Variants in SYTL3 observed in about 807,000 individuals in gnomAD.
SYTL3 encodes the protein synaptotagmin like 3.
SYTL3 carries 88 observed loss-of-function variants against 82.1 expected under a neutral mutation model. That is an observed-to-expected ratio of 1.07 (90% CI 0.90 to 1.28). SYTL3 has a LOEUF of 1.28. SYTL3 is among the 50% of genes most tolerant of loss of function. The probability of loss-of-function intolerance (pLI) is 0.00; values close to 1 mark genes in which losing one functional copy is unlikely to be tolerated. For synonymous variants in SYTL3, 311 were observed against 289.4 expected, an observed-to-expected ratio of 1.07 and a Z score of -0.76; for missense variants, 831 against 757.6, an observed-to-expected ratio of 1.10 and a Z score of -1.14.
At chr6:158,704,220 G>A (rs965389787) in intron 6 of SYTL3, among the ~76,000 whole-genome samples, 2 of 152,136 alleles carry the variant, frequency 1.3e-5, no homozygotes, top group Admixed American at 6.5e-5. Flanking sequence ...TCGTGGGAAC[G>A]GGCACGCCTG....
chr6:158,690,748 G>T (rs993085962), intron 6 of SYTL3, among the ~76,000 whole-genome samples: 9 of 151,862 alleles, frequency 5.9e-5, no homozygotes, highest in Admixed American at 3.9e-4. Context: ...TTCATAACTG[G>T]ATATTTAGTT....
At chr6:158,705,659 C>T (rs975490243) in intron 6 of SYTL3, among the ~76,000 whole-genome samples, 12 of 150,568 alleles carry the variant, frequency 8.0e-5, no homozygotes, top group Admixed American at 7.9e-4. Flanking sequence ...GCTGTAAGGT[C>T]ACATAGACCT....
intron 5 of SYTL3, among the ~76,000 whole-genome samples, chr6:158,681,921 T>C (rs1440036318): frequency 6.6e-6 from 1 of 152,210 alleles, no homozygotes; most frequent in Non-Finnish European, 1.5e-5. Flanking sequence ...CGTCCCACAG[T>C]TGACATGATA....
intron 12 of SYTL3, among the ~76,000 whole-genome samples, chr6:158,751,351 G>C (rs940376133): frequency 2.6e-5 from 4 of 152,166 alleles, no homozygotes; most frequent in African/African-American, 9.7e-5. Flanking sequence ...CCTAGAACAG[G>C]ACAGGACATG....
intron 10 of SYTL3, among the ~76,000 whole-genome samples, chr6:158,718,699 G>C (rs890076650): frequency 1.1e-4 from 16 of 152,246 alleles, no homozygotes; most frequent in Non-Finnish European, 1.6e-4. Flanking sequence ...CTTAGTAAAG[G>C]CTTCTAGGGA....
chr6:158,761,301 C>CTTTTTTTTTTT (rs11463987), intron 15 of SYTL3, among the ~76,000 whole-genome samples: 36 of 93,862 alleles, frequency 3.8e-4, no homozygotes, highest in Non-Finnish European at 5.6e-4. Flanking sequence ...ATGCACATTT[C>CTTTTTTTTTTT]TTTTTTTTTT....
intron 8 of SYTL3, among the ~76,000 whole-genome samples, chr6:158,711,042 A>T (rs1437549121): frequency 1.3e-5 from 2 of 152,092 alleles, no homozygotes; most frequent in Admixed American, 1.3e-4. Context: ...GGGCTCCCAA[A>T]GCGCTGGGGT....
chr6:158,708,115 C>T (rs7760306), intron 7 of SYTL3, among the ~76,000 whole-genome samples: 31,828 of 152,016 alleles, frequency 0.21, 3,590 homozygotes, highest in Non-Finnish European at 0.25. Context: ...TAGGCAGCAT[C>T]GCCCTCATAT....
intron 3 of SYTL3, 88 bp from the exon 4 acceptor site, chr6:158,662,662 T>C (rs1789519484): frequency 6.6e-6 from 1 of 152,168 alleles, no homozygotes; most frequent in Admixed American, 6.5e-5. Flanking sequence ...CAAGGGTTTG[T>C]GTAGAATATT....
At chr6:158,668,452 T>C (rs1369026959) in intron 5 of SYTL3, among the ~76,000 whole-genome samples, 1 of 152,158 alleles carries the variant, frequency 6.6e-6, no homozygotes, top group Non-Finnish European at 1.5e-5. Flanking sequence ...TGGCCTCGAA[T>C]TCCTGACCTC....
chr6:158,757,000 A>AGCCC (rs1554266364), intron 13 of SYTL3, among the ~76,000 whole-genome samples: 60 of 141,888 alleles, frequency 4.2e-4, no homozygotes, highest in South Asian at 2.1e-3. Flanking sequence ...CAGAGAGAGG[A>AGCCC]CCCCCCCGCC....
chr6:158,654,989 C>A (rs1168855403), intron 2 of SYTL3, among the ~76,000 whole-genome samples: 1 of 152,160 alleles, frequency 6.6e-6, no homozygotes, highest in Non-Finnish European at 1.5e-5. Context: ...GAGACTGGAT[C>A]TAAGCTCCGA....
intron 17 of SYTL3, among the ~76,000 whole-genome samples, chr6:158,763,822 ATCT>A (rs1236398130): frequency 6.6e-6 from 1 of 152,246 alleles, no homozygotes; most frequent in African/African-American, 2.4e-5. Flanking sequence ...AAATGAAAAT[ATCT>A]TCTTAAACAA....
rs185193110 is a variant in SYTL3, at chr6:158,758,977, C to T, written c.1308+1596C>T. Among the ~76,000 whole-genome samples the T allele has an allele frequency of 2.9e-3, 445 of 152,316 alleles. 6 individuals carry two copies. The highest frequency in any genetic ancestry group is 0.019 in the South Asian group (91 of 4,830). On this transcript the variant is annotated intron_variant, in intron 14 of 17. Coordinates refer to ENST00000611299, the MANE Select transcript of SYTL3 (RefSeq NM_001242394.2). Reference sequence around the variant, plus strand: ...GCCTTCCGTGCCTTCCTCTCACCCCCGCTCTGTCATCTCTCAGAACAGCAT... The same window carrying T: ...GCCTTCCGTGCCTTCCTCTCACCCCTGCTCTGTCATCTCTCAGAACAGCAT...
intron 12 of SYTL3, among the ~76,000 whole-genome samples, chr6:158,750,192 G>A (rs1405860458): frequency 6.6e-6 from 1 of 152,118 alleles, no homozygotes; most frequent in Admixed American, 6.5e-5. Flanking sequence ...CAAAAACAGG[G>A]AAAACTAAGC....
At chr6:158,717,342 T>C (rs972633003) in intron 9 of SYTL3, among the ~76,000 whole-genome samples, 2 of 152,064 alleles carry the variant, frequency 1.3e-5, no homozygotes, top group Non-Finnish European at 2.9e-5. Flanking sequence ...ATATGGCTAC[T>C]ATAAAATTTA....
rs564230615 is a variant in SYTL3, at chr6:158,652,759, C to G, written c.-637+917C>G. ...GTTTCACCATGTTGGCCAGGCTGGT[C>G]TCAAAACTCCTGACCTCGTGATCCA... On this transcript the variant is annotated intron_variant, in intron 2 of 17. Coordinates refer to ENST00000611299, the MANE Select transcript of SYTL3 (RefSeq NM_001242394.2). Among the ~76,000 whole-genome samples the G allele has an allele frequency of 9.3e-4, 141 of 151,852 alleles. 1 individual carries two copies. Among genetic ancestry groups the G allele is most frequent in the African/African-American group, 3.3e-3 (135 of 41,374 alleles).
intron 11 of SYTL3, among the ~76,000 whole-genome samples, chr6:158,735,646 A>G (rs1786046479): frequency 6.6e-6 from 1 of 152,228 alleles, no homozygotes; most frequent in Admixed American, 6.5e-5. Flanking sequence ...AAAACAAAAA[A>G]CCCAGCTTAT....
At chr6:158,658,870 A>C (rs1012145729) in intron 2 of SYTL3, among the ~76,000 whole-genome samples, 3 of 152,204 alleles carry the variant, frequency 2.0e-5, no homozygotes, top group Admixed American at 2.0e-4. Flanking sequence ...CGGACGTTGC[A>C]GTGAGCAGAG....
Sources: allele counts gnomAD v4.1 joint callset (sites outside exome capture counted in the v4.1 genomes callset), GRCh38; gene constraint gnomAD v4.1.1; transcripts MANE v1.5; gene names NCBI Gene and HGNC (gene_info 2026-07-23, HGNC 2026-07-21).